Variants in JAK1 observed in about 807,000 individuals in gnomAD.
The protein encoded by JAK1 is Janus kinase 1, also known as tyrosine-protein kinase JAK1.
JAK1 carries 16 observed loss-of-function variants against 136.6 expected under a neutral mutation model. The observed-to-expected ratio is 0.12, with a 90% CI of 0.08 to 0.18. The LOEUF (loss-of-function observed/expected upper bound fraction) is 0.18, where lower values mean the gene tolerates loss of function less well. Ranked by LOEUF, JAK1 falls within the 10% of genes least tolerant of loss-of-function variation. JAK1 has a pLI of 1.00. For missense variants in JAK1, 859 were observed against 1,450.1 expected (o/e 0.59, Z 6.62); for synonymous variants, 492 against 519.5 (o/e 0.95, Z 0.72).
At chr1:64,882,065 C>G (rs1273056478) in intron 3 of JAK1, among the ~76,000 whole-genome samples, 2 of 152,162 alleles carry the variant, frequency 1.3e-5, no homozygotes, top group African/African-American at 4.8e-5. Context: ...GTCAAAATAA[C>G]TTGACAATAT....
intron 2 of JAK1, among the ~76,000 whole-genome samples, chr1:65,038,292 G>C (rs535320428): frequency 1.4e-5 from 2 of 147,362 alleles, no homozygotes; most frequent in African/African-American, 5.0e-5. Context: ...TCTGCCTCCC[G>C]GGGTCAAGCA....
chr1:64,838,487 T>C lies in JAK1; in HGVS notation c.2945A>G (p.Lys982Arg). Residue 982 changes from lysine to arginine, a missense_variant, in exon 21 of 25, where the codon AAA (lysine) becomes AGA (arginine). Lys to Arg is a conservative substitution (Grantham distance 26, BLOSUM62 2). This residue lies in a region of JAK1 where 409 missense variants were observed against 753.8 expected (regional missense o/e 0.54). Coordinates refer to ENST00000342505, the MANE Select transcript of JAK1 (RefSeq NM_002227.4). ...KNKINLKQQL[K>R]YAVQICKGMD... is the part of the protein sequence containing the mutation. ...TACCTTACAAATCTGAACGGCATAT[T>C]TTAGCTGCTGTTTGAGGTTTATTTT... is the stretch of plus-strand genomic sequence containing the variant. 1 of 1,614,090 alleles carries C rather than the reference T, an allele frequency of 6.2e-7. No homozygotes were observed. The highest frequency in any genetic ancestry group is 1.3e-5 in the African/African-American group (1 of 75,056).
At chr1:64,929,009 T>G (rs1463217022) in intron 1 of JAK1, among the ~76,000 whole-genome samples, 1 of 152,190 alleles carries the variant, frequency 6.6e-6, no homozygotes, top group Non-Finnish European at 1.5e-5. Flanking sequence ...ATCTTGTAAA[T>G]ATGTCACTGA....
At chr1:65,029,185 C>A (rs1479314826) in intron 2 of JAK1, among the ~76,000 whole-genome samples, 1 of 152,128 alleles carries the variant, frequency 6.6e-6, no homozygotes, top group Non-Finnish European at 1.5e-5. Flanking sequence ...CAGCCTCAAA[C>A]TCCAGGGCTC....
intron 1 of JAK1, among the ~76,000 whole-genome samples, chr1:65,064,151 T>G (rs1647940617): frequency 6.6e-6 from 1 of 152,214 alleles, no homozygotes; most frequent in African/African-American, 2.4e-5. Flanking sequence ...AACACTTAGT[T>G]TCAAAAGTAG....
At chr1:64,886,367 T>C in intron 1 of JAK1, 26 bp from the exon 2 acceptor site, 1 of 1,345,286 alleles carries the variant, frequency 7.4e-7, no homozygotes, top group Non-Finnish European at 1.0e-6. Context: ...AATAAATAAA[T>C]CAGTGGCAGA....
In JAK1 at chr1:65,019,453, A is replaced by ACC. The variant is rs34198843; in HGVS notation, c.-78+25025_-78+25026dup. 2.9e-3 allele frequency among the ~76,000 whole-genome samples: 382 copies of ACC among 130,454 alleles called. 1 individual carries two copies. The highest frequency in any genetic ancestry group is 9.5e-3 in the African/African-American group (349 of 36,554). The allele number at this position is 130,454 out of a possible 152,430, so 85.6% of individuals were successfully genotyped here. ...TAGAATAAAGGAGAGAACCCATATG[A>ACC]CCCCCCCCCCAATATATTTAGGAAA... On this transcript the variant is annotated intron_variant, in intron 2 of 25. Transcript: ENST00000671954.
chr1:65,004,459 A>T (rs1379486055), intron 2 of JAK1, among the ~76,000 whole-genome samples: 1 of 152,176 alleles, frequency 6.6e-6, no homozygotes, highest in African/African-American at 2.4e-5. Context: ...CAGTTATTTC[A>T]CTCAGGCTTT....
chr1:64,970,978 A>T (rs1224313820), upstream of JAK1, among the ~76,000 whole-genome samples: 1 of 152,238 alleles, frequency 6.6e-6, no homozygotes, highest in Non-Finnish European at 1.5e-5. Flanking sequence ...ATAAATCTTC[A>T]TCAAAAGAAT....
intron 1 of JAK1, among the ~76,000 whole-genome samples, chr1:65,061,088 T>C (rs61786883): frequency 0.015 from 2,235 of 152,296 alleles, 33 homozygotes; most frequent in African/African-American, 0.037. Flanking sequence ...ACCAGGCACT[T>C]ATAGAAAACT....
intron 1 of JAK1, among the ~76,000 whole-genome samples, chr1:64,936,376 A>C (rs1039796408): frequency 2.0e-5 from 3 of 152,222 alleles, no homozygotes; most frequent in Non-Finnish European, 4.4e-5. Flanking sequence ...CAAATTTGAC[A>C]CAGTGCACCC....
intron 4 of JAK1, among the ~76,000 whole-genome samples, chr1:64,876,935 T>C (rs923054259): frequency 6.6e-6 from 1 of 152,234 alleles, no homozygotes; most frequent in Admixed American, 6.5e-5. Context: ...CAACAAACTC[T>C]CTTTAGGCTT....
At chr1:64,974,099 T>G (rs1204300636) in intron 2 of JAK1, 1 of 152,230 alleles carries the variant, frequency 6.6e-6, no homozygotes, top group Non-Finnish European at 1.5e-5. Context: ...CGTTGGTAAC[T>G]CTGTCATAAA....
At chr1:64,874,096 T>TTA (rs1297140124) in intron 4 of JAK1, among the ~76,000 whole-genome samples, 4 of 152,146 alleles carry the variant, frequency 2.6e-5, no homozygotes, top group South Asian at 2.1e-4. Context: ...AACAAGCACT[T>TTA]TATATATATT....
rs1362870887 is a variant in JAK1, at chr1:64,974,921, T to C, written c.-78+69559A>G. Among the ~76,000 whole-genome samples, 4 of 151,752 alleles carry C rather than the reference T, an allele frequency of 2.6e-5. No individual in the cohort carries two copies. The South Asian group carries it at 8.3e-4, about 31-fold the overall frequency. ...TTTTGTTTTGTTTTTTGTTTTTTGT[T>C]TTTTTGAGATGGAGTTTCACCCTTA... On this transcript the variant is annotated intron_variant, in intron 2 of 25. Coordinates refer to the JAK1 transcript ENST00000671954.
chr1:65,004,899 C>T (rs1048659644), intron 2 of JAK1, among the ~76,000 whole-genome samples: 4 of 152,182 alleles, frequency 2.6e-5, no homozygotes, highest in African/African-American at 7.2e-5. Flanking sequence ...CTTCACTACC[C>T]TTTATTTCTG....
intron 2 of JAK1, among the ~76,000 whole-genome samples, chr1:64,978,902 C>T (rs138333905): frequency 6.6e-6 from 1 of 151,262 alleles, no homozygotes; most frequent in Admixed American, 6.6e-5. Context: ...TCTCTGAGCT[C>T]AGATATCTCC....
rs1432888137 is a variant in JAK1, at chr1:65,058,791, T to C, written c.-181+8813A>G. On this transcript the variant is annotated intron_variant, in intron 1 of 25. Coordinates refer to the JAK1 transcript ENST00000671954. The stretch of plus-strand genomic sequence containing the variant: ...TCACTCTAATACATCAAATATGCAG[T>C]AAGCTTCCAGCATATTTCACAGCTT... 2.0e-5 allele frequency among the ~76,000 whole-genome samples: 3 copies of C among 152,212 alleles called. No homozygotes were observed. The East Asian group carries it at 5.8e-4, about 29-fold the overall frequency.
At chr1:64,835,707 C>T (rs1440522024) in intron 23 of JAK1, among the ~76,000 whole-genome samples, 2 of 152,128 alleles carry the variant, frequency 1.3e-5, no homozygotes, top group Non-Finnish European at 2.9e-5. Context: ...TTAGACTCTA[C>T]CAACCACTCC....
Sources: allele counts gnomAD v4.1 joint callset (sites outside exome capture counted in the v4.1 genomes callset), GRCh38; gene constraint gnomAD v4.1.1; regional missense constraint gnomAD v4.1.1; transcripts MANE v1.5; gene names NCBI Gene and HGNC (gene_info 2026-07-23, HGNC 2026-07-21).